The following MEF2B variants were observed in gnomAD, a reference collection of about 807,000 sequenced individuals.
MEF2B encodes myocyte-specific enhancer factor 2B.
MEF2B carries 15 observed loss-of-function variants against 32.2 expected under a neutral mutation model. The observed-to-expected ratio is 0.47, with a 90% CI of 0.31 to 0.72. The LOEUF is 0.72. MEF2B is among the 30% of genes least tolerant of loss of function. MEF2B has a pLI of 0.05. For missense variants in MEF2B, 441 were observed against 511.5 expected (o/e 0.86, Z 1.33); for synonymous variants, 205 against 225.6 (o/e 0.91, Z 0.82).
At chr19:19,150,170 AGGAG>A (rs564219379) in intron 2 of MEF2B, among the ~76,000 whole-genome samples, 19 of 99,842 alleles carry the variant, frequency 1.9e-4, no homozygotes, top group Middle Eastern at 5.0e-3. Flanking sequence ...GAGGGAGGGA[AGGAG>A]GGAGGGAGGG....
At chr19:19,147,559 T>C (rs1599719022) in intron 4 of MEF2B, 139 bp downstream of exon 4, 1 of 1,527,320 alleles carries the variant, frequency 6.5e-7, no homozygotes, top group East Asian at 2.3e-5. Flanking sequence ...AAAGAAGCCT[T>C]TCCTGACCAA....
In MEF2B at chr19:19,147,192, AG is replaced by A. The variant is rs923929214; in HGVS notation, c.394-10del. 6.4e-7 allele frequency: 1 copy of A among 1,565,742 alleles called. No individual in the cohort carries two copies. Among genetic ancestry groups the A allele is most frequent in the African/African-American group, 1.4e-5 (1 of 73,728 alleles). On this transcript the variant is annotated splice_polypyrimidine_tract_variant and intron_variant, in intron 4 of 8. Coordinates refer to ENST00000424583, the MANE Select transcript of MEF2B (RefSeq NM_001145785.2). ...ATAGCAGGAGCTGCAGGCTGTGGGT[AG>A]AGAAGGGATGGGTCAGAGGACCCCA...
intron 1 of MEF2B, among the ~76,000 whole-genome samples, chr19:19,169,761 C>T (rs550179321): frequency 6.6e-6 from 1 of 152,268 alleles, no homozygotes; most frequent in African/African-American, 2.4e-5. Context: ...GCCTACCATC[C>T]TGCTGTGACA....
At chr19:19,146,996 C>G (rs564089432) in intron 5 of MEF2B, 40 bp downstream of exon 5, 2 of 1,563,552 alleles carry the variant, frequency 1.3e-6, no homozygotes, top group East Asian at 4.5e-5. Context: ...CCCAAACAGC[C>G]CCTCAGGACC....
chr19:19,146,613 G>A lies in MEF2B; in HGVS notation c.711C>T (p.Ser237=). Residue 237 remains serine (S), a synonymous_variant, in exon 7 of 9, where the codon TCC becomes TCT. Coordinates refer to ENST00000424583, the MANE Select transcript of MEF2B (RefSeq NM_001145785.2). ...CCAGTGGGGGTCCGGGAGTTGCAGTGGAGCAGGGGTTCTGCAGGCCACTGT... is the reference window on the plus strand; with the variant it reads ...CCAGTGGGGGTCCGGGAGTTGCAGTAGAGCAGGGGTTCTGCAGGCCACTGT... The part of the protein sequence containing the change: ...SLYSGLQNPC[S]TATPGPPLGS... 6.2e-7 allele frequency: 1 copy of A among 1,610,148 alleles called. No individual in the cohort carries two copies. The highest frequency in any genetic ancestry group is 8.5e-7 in the Non-Finnish European group (1 of 1,178,418).
At chr19:19,160,117 C>T (rs2060149439) in intron 1 of MEF2B, among the ~76,000 whole-genome samples, 1 of 151,954 alleles carries the variant, frequency 6.6e-6, no homozygotes, top group African/African-American at 2.4e-5. Flanking sequence ...TACAGGTGCA[C>T]ACCATCACAC....
rs1428208981 is a variant in MEF2B, at chr19:19,146,535, G to A, written c.769+20C>T. 3.3e-6 allele frequency: 5 copies of A among 1,522,720 alleles called. No individual in the cohort carries two copies. The highest frequency in any genetic ancestry group is 4.4e-6 in the Non-Finnish European group (5 of 1,136,672). The allele number at this position is 1,522,720 out of a possible 1,614,324, so 94.3% of individuals were successfully genotyped here. ...GTGCGGACGCTTCCCAGGTGGGGCA[G>A]GGCAGGTTAGGGGATGTACCTGGGG... is the stretch of plus-strand genomic sequence containing the variant. On this transcript the variant is annotated intron_variant, in intron 7 of 8. Coordinates refer to ENST00000424583, the MANE Select transcript of MEF2B (RefSeq NM_001145785.2).
rs2146355962 is a variant in MEF2B, at chr19:19,149,271, C to T, written c.213G>A (p.Glu71=). 1.9e-6 allele frequency: 3 copies of T among 1,613,954 alleles called. No individual in the cohort carries two copies. The highest frequency in any genetic ancestry group is 2.5e-6 in the Non-Finnish European group (3 of 1,179,996). ...TGCGGCTCTCGTGGGGCTCGCTGTA[C>T]TCTGTGTACTTCAGCAGCACACGGT... ...DMDRVLLKYT[E]YSEPHESRTN... is the part of the protein sequence containing the mutation. Residue 71 remains glutamate, a synonymous_variant, in exon 3 of 9, where the codon GAG becomes GAA. Transcript: ENST00000424583.
At chr19:19,162,319 G>A (rs113256504) in intron 1 of MEF2B, among the ~76,000 whole-genome samples, 109 of 152,052 alleles carry the variant, frequency 7.2e-4, no homozygotes, top group African/African-American at 2.6e-3. Context: ...TTTTTGTAGA[G>A]AAGGGGCTTC....
intron 3 of MEF2B, 73 bp downstream of exon 3, chr19:19,149,153 C>G: frequency 6.4e-7 from 1 of 1,569,214 alleles, no homozygotes; most frequent in Non-Finnish European, 8.7e-7. Context: ...TTTGTGCAAA[C>G]CAAGAGTCCC....
At position 19,150,941 on chromosome 19, in the gene MEF2B, G is replaced by A. The variant is rs189035584; in HGVS notation, c.-29-177C>T. On this transcript the variant is annotated intron_variant, in intron 1 of 8. Coordinates refer to ENST00000424583, the MANE Select transcript of MEF2B (RefSeq NM_001145785.2). ...CGCCCCCGGCCAGCCTTAGGATGCA[G>A]TAGAGGCTCAATGAACATGTTTAGA... 2.5e-3 allele frequency among the ~76,000 whole-genome samples: 388 copies of A among 152,334 alleles called. 3 individuals are homozygous for A. Among genetic ancestry groups the A allele is most frequent in the African/African-American group, 8.8e-3 (364 of 41,586 alleles).
intron 1 of MEF2B, among the ~76,000 whole-genome samples, chr19:19,154,954 G>A (rs1015687251): frequency 2.0e-5 from 3 of 152,162 alleles, no homozygotes; most frequent in South Asian, 2.1e-4. Flanking sequence ...TCCAGGGTGC[G>A]TTAGTCCTCC....
rs763146191 is a variant in MEF2B at position 19,150,687 on chromosome 19, G to A, written c.49C>T (p.Arg17Trp). ...GTTCCACCCAGTGAACTCACCTGCC[G>A]ATTCCTTTGGTCCAGGATGCGGGAG... ...QISRILDQRN[R>W]QVTFTKRKFG... is the part of the protein sequence containing the mutation. Residue 17 changes from arginine to tryptophan, a missense_variant, in exon 2 of 9, where the codon CGG becomes TGG. Transcript: ENST00000424583. 5.0e-6 allele frequency: 8 copies of A among 1,614,034 alleles called. No homozygotes were observed. The highest frequency in any genetic ancestry group is 2.2e-5 in the East Asian group (1 of 44,896).
At chr19:19,160,987 G>A (rs913861312) in intron 1 of MEF2B, among the ~76,000 whole-genome samples, 4 of 152,026 alleles carry the variant, frequency 2.6e-5, no homozygotes, top group Non-Finnish European at 4.4e-5. Context: ...CTGGAGCCCC[G>A]CACCTGCCCT....
chr19:19,146,138 G>A (rs1177019269), intron 8 of MEF2B, 116 bp from the exon 9 acceptor site: 5 of 986,178 alleles, frequency 5.1e-6, no homozygotes, highest in East Asian at 3.0e-5. Flanking sequence ...GGAGGGGGTG[G>A]CGGTCCCTCT....
At position 19,145,685 on chromosome 19, in the gene MEF2B, A is replaced by AG. The variant is rs1342065183; in HGVS notation, c.*111dup. The AG allele has an allele frequency of 6.5e-7, 1 of 1,549,142 alleles. No individual in the cohort carries two copies. Among genetic ancestry groups the AG allele is most frequent in the Non-Finnish European group, 8.7e-7 (1 of 1,146,170 alleles). On this transcript the variant is annotated 3_prime_UTR_variant, in exon 9 of 9. Coordinates refer to ENST00000424583, the MANE Select transcript of MEF2B (RefSeq NM_001145785.2). The surrounding 1 kb of genome is among the most constrained non-coding windows in gnomAD (Gnocchi z 4.6). ...GCCCACCTCCAAGCCCCCACCGCGG[A>AG]GGGGGGCGTCACTGTTGGGTCTTCT...
chr19:19,158,019 T>G, intron 1 of MEF2B, among the ~76,000 whole-genome samples: 1 of 152,134 alleles, frequency 6.6e-6, no homozygotes, highest in South Asian at 2.1e-4. Flanking sequence ...GTTCAGTTTG[T>G]GCAAATGTGT....
At chr19:19,163,491 T>G (rs543147899) in intron 1 of MEF2B, among the ~76,000 whole-genome samples, 8 of 152,160 alleles carry the variant, frequency 5.3e-5, no homozygotes, top group Admixed American at 2.6e-4. Flanking sequence ...TATCAGACTT[T>G]TTGGTGTGTG....
intron 1 of MEF2B, among the ~76,000 whole-genome samples, chr19:19,158,929 T>G (rs2060139377): frequency 2.6e-5 from 4 of 150,994 alleles, no homozygotes; most frequent in African/African-American, 9.7e-5. Context: ...ATTGTGAGAC[T>G]GACTCGAAAG....
Sources: gnomAD v4.1 joint callset for allele counts (sites outside exome capture counted in the v4.1 genomes callset) on GRCh38, gnomAD v4.1.1 for gene constraint, Gnocchi (gnomAD v3.1) non-coding constraint, MANE v1.5 for transcripts, NCBI Gene and HGNC (gene_info 2026-07-23, HGNC 2026-07-21) for gene names.